The following DNAJC10 variants were observed in gnomAD, a reference collection of about 807,000 sequenced individuals.
The protein encoded by DNAJC10 is endoplasmic reticulum disulfide reductase DNAJC10.
A neutral mutation model predicts 115.0 loss-of-function variants in DNAJC10; 101 were observed. The ratio of observed to expected loss-of-function variants is 0.88; its 90% confidence interval spans 0.75 to 1.04. The LOEUF is 1.04. DNAJC10 is among the 50% of genes least tolerant of loss of function. The probability of loss-of-function intolerance (pLI) is 0.00; values close to 1 mark genes in which losing one functional copy is unlikely to be tolerated. For synonymous variants in DNAJC10, 307 were observed against 301.5 expected, an observed-to-expected ratio of 1.02 and a Z score of -0.19; for missense variants, 981 against 928.8, an observed-to-expected ratio of 1.06 and a Z score of -0.73.
intron 8 of DNAJC10, among the ~76,000 whole-genome samples, chr2:182,730,739 T>C (rs147743685): frequency 2.1e-4 from 32 of 152,224 alleles, no homozygotes; most frequent in African/African-American, 5.3e-4. Flanking sequence ...TGGGGAAATA[T>C]AATATAGCTG....
At chr2:182,767,865 T>C (rs994309902) in intron 22 of DNAJC10, among the ~76,000 whole-genome samples, 10 of 152,160 alleles carry the variant, frequency 6.6e-5, no homozygotes, top group Admixed American at 4.6e-4. Flanking sequence ...CTTATCATAC[T>C]ACACACTACA....
chr2:182,770,645 G>A lies in DNAJC10; in HGVS notation c.2266-4671G>A, dbSNP rs185826819. ...GTGTATAGGAGTGCTTGTGATTTTT[G>A]CACATTGATTTTGTATCCTGAGACT... On this transcript the variant is annotated intron_variant, in intron 22 of 23. Transcript: ENST00000264065. Among the ~76,000 whole-genome samples the A allele has an allele frequency of 2.2e-4, 34 of 152,206 alleles. No individual in the cohort carries two copies. In the East Asian group the frequency reaches 4.8e-3, roughly 22 times the overall value.
At position 182,720,857 on chromosome 2, in the gene DNAJC10, C is replaced by G. The variant is rs190187842; in HGVS notation, c.367+688C>G. On this transcript the variant is annotated intron_variant, in intron 4 of 23. Transcript: ENST00000264065. ...GCGAAACTTCAAGTTTAGTAATGAT[C>G]TCTTCAATAGAAATGCCGTCCTTCT... Among the ~76,000 whole-genome samples the G allele has an allele frequency of 1.0e-3, 152 of 152,256 alleles. 1 individual carries two copies. Among genetic ancestry groups the G allele is most frequent in the African/African-American group, 3.5e-3 (144 of 41,570 alleles).
rs1288681156 is a variant in DNAJC10 at position 182,759,180 on chromosome 2, C to T, written c.2018C>T (p.Thr673Ile). 2.5e-6 allele frequency: 4 copies of T among 1,587,454 alleles called. No homozygotes were observed. Among genetic ancestry groups the T allele is most frequent in the Non-Finnish European group, 3.4e-6 (4 of 1,172,980 alleles). The change falls in exon 21 of 24, where the codon ACA becomes ATA. Residue 673 changes from threonine to isoleucine, a missense_variant. By Grantham distance (89) the Thr-to-Ile change is moderately conservative (BLOSUM62 -1). Transcript: ENST00000264065. ...CACAGATTTTTACCTCAAGTATCCA[C>T]AGATCTAACACCTCAGACTTTCAGT... Reference protein sequence around the residue: ...WGLGFLPQVSTDLTPQTFSEK... With the variant: ...WGLGFLPQVSIDLTPQTFSEK...
At chr2:182,756,521 T>C (rs1425425994) in intron 18 of DNAJC10, 52 bp downstream of exon 18, 1 of 1,524,004 alleles carries the variant, frequency 6.6e-7, no homozygotes, top group Non-Finnish European at 8.9e-7. Context: ...AGAATGTTTA[T>C]TTAACAGAAT....
In DNAJC10 at chr2:182,788,789, C is replaced by T. The variant is rs149866450; in HGVS notation, c.*11657C>T. ...TTCAGAAGTTTTCTAAAATGGACTT[C>T]AAGCTCTATGACTTTATGATCACTT... On this transcript the variant is annotated 3_prime_UTR_variant, in exon 24 of 24. Transcript: ENST00000264065. The T allele has an allele frequency of 1.8e-4, 84 of 454,664 alleles. No homozygotes were observed. Among genetic ancestry groups the T allele is most frequent in the African/African-American group, 1.6e-3 (80 of 50,050 alleles). 28.2% of individuals were successfully genotyped at this position (454,664 alleles called of 1,614,324 possible). A position where few individuals can be genotyped will look rare whatever the true frequency, so the allele number is the denominator to read the frequency against.
chr2:182,792,154 A>G lies in DNAJC10; in HGVS notation c.*15022A>G, dbSNP rs1282082690. The G allele has an allele frequency of 6.6e-6, 1 of 152,208 alleles. No individual in the cohort carries two copies. Among genetic ancestry groups the G allele is most frequent in the Non-Finnish European group, 1.5e-5 (1 of 68,036 alleles). 9.4% of individuals were successfully genotyped at this position (152,208 alleles called of 1,614,324 possible). On this transcript the variant is annotated 3_prime_UTR_variant, in exon 24 of 24. Coordinates refer to ENST00000264065, the MANE Select transcript of DNAJC10 (RefSeq NM_018981.4). The stretch of plus-strand genomic sequence containing the variant: ...AAATTAAAGAAAAAAGAGATGCTCA[A>G]GTCAATTTATAAGTAATCCTCACAA...
intron 22 of DNAJC10, among the ~76,000 whole-genome samples, chr2:182,771,790 AT>A (rs1324865069): frequency 4.6e-5 from 7 of 152,064 alleles, no homozygotes; most frequent in Admixed American, 1.3e-4. Context: ...AGATTCATTG[AT>A]TTTTTGAAGG....
At chr2:182,775,109 C>T (rs528545614) in intron 22 of DNAJC10, among the ~76,000 whole-genome samples, 13 of 149,000 alleles carry the variant, frequency 8.7e-5, no homozygotes, top group African/African-American at 2.5e-4. Context: ...TTCATGTTTC[C>T]GTGACACTAT....
chr2:182,724,377 A>G lies in DNAJC10; in HGVS notation c.418+2302A>G, dbSNP rs1021991665. On this transcript the variant is annotated intron_variant, in intron 5 of 23. Transcript: ENST00000264065. ...ACTCACTTAAAAAATTTAACATTGT[A>G]AAAATGTGCTTTCACATTCAAGATA... 2.6e-5 allele frequency among the ~76,000 whole-genome samples: 4 copies of G among 152,232 alleles called. No individual in the cohort carries two copies. The South Asian group carries it at 6.2e-4, about 24-fold the overall frequency.
intron 8 of DNAJC10, among the ~76,000 whole-genome samples, chr2:182,730,249 T>C (rs1251619910): frequency 6.6e-6 from 1 of 152,196 alleles, no homozygotes; most frequent in Non-Finnish European, 1.5e-5. Context: ...TTTTTAAATA[T>C]GCTTATCAAT....
Position 182,748,728 on chromosome 2 carries a change from G to C in DNAJC10, c.1307-2930G>C, listed in dbSNP as rs1289978366. Among the ~76,000 whole-genome samples, 3 of 152,034 alleles carry C rather than the reference G, an allele frequency of 2.0e-5. No individual in the cohort carries two copies. In the East Asian group the frequency reaches 5.8e-4, roughly 29 times the overall value. ...GAATGTGTTTGCTCTTGCTTTTCTA[G>C]TTCTGTTAATTGTGATGTTAGGGTG... On this transcript the variant is annotated intron_variant, in intron 14 of 23. Coordinates refer to ENST00000264065, the MANE Select transcript of DNAJC10 (RefSeq NM_018981.4).
rs780881689 is a variant in DNAJC10 at position 182,752,071 on chromosome 2, G to T, written c.1435-1G>T. 6 of 1,606,406 alleles carry T rather than the reference G, an allele frequency of 3.7e-6. No homozygotes were observed. Among genetic ancestry groups the T allele is most frequent in the Non-Finnish European group, 5.1e-6 (6 of 1,175,124 alleles). On this transcript the variant is annotated splice_acceptor_variant, in intron 15 of 23. Transcript: ENST00000264065. LOFTEE classifies it high-confidence loss of function. ...GCTTATGAATATTTTTTCTTTCCTAGTGGTGTCCACCATGTCGAGCTTTAC... is the reference window on the plus strand; with the variant it reads ...GCTTATGAATATTTTTTCTTTCCTATTGGTGTCCACCATGTCGAGCTTTAC...
chr2:182,731,799 G>A (rs1456833596), intron 9 of DNAJC10, among the ~76,000 whole-genome samples: 6 of 152,154 alleles, frequency 3.9e-5, no homozygotes, highest in African/African-American at 1.4e-4. Context: ...ACCCCATCCT[G>A]TAAGGCCTAT....
intron 3 of DNAJC10, among the ~76,000 whole-genome samples, chr2:182,718,776 T>G (rs1693065393): frequency 1.3e-5 from 2 of 152,220 alleles, no homozygotes; most frequent in Non-Finnish European, 2.9e-5. Context: ...AATTAATACT[T>G]CACAGCAGCT....
rs1355313249 is a variant in DNAJC10 at position 182,786,122 on chromosome 2, G to GTT, written c.*8993_*8994dup. ...GTTCCATGATACAGTTTTAATAACA[G>GTT]TTTTAATTTCAGAAACGCAAAATAT... is the stretch of plus-strand genomic sequence containing the variant. On this transcript the variant is annotated 3_prime_UTR_variant, in exon 24 of 24. Coordinates refer to ENST00000264065, the MANE Select transcript of DNAJC10 (RefSeq NM_018981.4). 2.6e-5 allele frequency: 4 copies of GTT among 152,138 alleles called. No homozygotes were observed. The highest frequency in any genetic ancestry group is 5.9e-5 in the Non-Finnish European group (4 of 68,006). 9.4% of individuals were successfully genotyped at this position (152,138 alleles called of 1,614,324 possible).
chr2:182,733,257 C>T lies in DNAJC10; in HGVS notation c.849+715C>T, dbSNP rs138088966. On this transcript the variant is annotated intron_variant, in intron 10 of 23. Coordinates refer to ENST00000264065, the MANE Select transcript of DNAJC10 (RefSeq NM_018981.4). ...GCAGTATGATCATTATATCCTTTGG[C>T]GGCTATTTATTTCTCTTTGTGCATT... 7.2e-3 allele frequency among the ~76,000 whole-genome samples: 1,096 copies of T among 151,840 alleles called. 5 individuals carry two copies. Among genetic ancestry groups the T allele is most frequent in the South Asian group, 0.032 (155 of 4,814 alleles).
intron 18 of DNAJC10, 59 bp downstream of exon 18, chr2:182,756,528 G>T (rs1694160809): frequency 6.7e-7 from 1 of 1,501,422 alleles, no homozygotes; most frequent in Non-Finnish European, 9.1e-7. Flanking sequence ...TTATTTAACA[G>T]AATTATTTTG....
chr2:182,749,073 C>G (rs1693947497), intron 14 of DNAJC10, among the ~76,000 whole-genome samples: 1 of 152,020 alleles, frequency 6.6e-6, no homozygotes. Context: ...GCTTTACTTC[C>G]AAGGGTGTGG....
Sources: gnomAD v4.1 joint callset for allele counts (sites outside exome capture counted in the v4.1 genomes callset) on GRCh38, gnomAD v4.1.1 for gene constraint, MANE v1.5 for transcripts, NCBI Gene and HGNC (gene_info 2026-07-23, HGNC 2026-07-21) for gene names.